Variants in ULK4 observed in about 807,000 individuals in gnomAD.
ULK4 encodes inactive serine/threonine-protein kinase ULK4.
ULK4 carries 133 observed loss-of-function variants against 160.6 expected under a neutral mutation model. The observed-to-expected ratio is 0.83, with a 90% CI of 0.72 to 0.96. The LOEUF (loss-of-function observed/expected upper bound fraction) is 0.96. Among genes scored for constraint, ULK4 ranks in the 40% least tolerant of loss-of-function variants. ULK4 has a pLI of 0.00. For missense variants in ULK4, 1,580 were observed against 1,499.5 expected, an observed-to-expected ratio of 1.05 and a Z score of -0.89; for synonymous variants, 534 against 539.8, an observed-to-expected ratio of 0.99 and a Z score of 0.15.
At chr3:41,757,155 A>C (rs536531616) in intron 21 of ULK4, among the ~76,000 whole-genome samples, 14 of 152,314 alleles carry the variant, frequency 9.2e-5, no homozygotes, top group African/African-American at 2.9e-4. Flanking sequence ...TAAGAAAGTA[A>C]GAGTCCTAGA....
At chr3:41,502,149 A>C (rs546913111) in intron 32 of ULK4, among the ~76,000 whole-genome samples, 5 of 152,258 alleles carry the variant, frequency 3.3e-5, no homozygotes, top group African/African-American at 9.6e-5. Context: ...ATAATGCTGC[A>C]ATAAATATGG....
chr3:41,470,944 T>C (rs1575269081), intron 32 of ULK4, among the ~76,000 whole-genome samples: 1 of 151,766 alleles, frequency 6.6e-6, no homozygotes, highest in East Asian at 1.9e-4. Context: ...AACCAGAAAA[T>C]AATAAAATGA....
intron 32 of ULK4, among the ~76,000 whole-genome samples, chr3:41,506,436 T>C (rs936703006): frequency 1.3e-5 from 2 of 152,134 alleles, no homozygotes; most frequent in African/African-American, 4.8e-5. Flanking sequence ...ATAGCAGAAG[T>C]TGACAATAAT....
intron 12 of ULK4, among the ~76,000 whole-genome samples, chr3:41,902,233 G>T (rs1698397588): frequency 6.6e-6 from 1 of 152,158 alleles, no homozygotes; most frequent in Admixed American, 6.5e-5. Context: ...AGTTAGCTAA[G>T]AAAGTTCCTG....
chr3:41,443,314 T>C (rs1210378707), intron 34 of ULK4, among the ~76,000 whole-genome samples: 2 of 152,232 alleles, frequency 1.3e-5, no homozygotes, highest in East Asian at 3.8e-4. Context: ...TTCACCTTCA[T>C]CTTTGCTGGA....
intron 30 of ULK4, among the ~76,000 whole-genome samples, chr3:41,662,355 T>C (rs930629021): frequency 1.3e-5 from 2 of 152,112 alleles, no homozygotes; most frequent in African/African-American, 4.8e-5. Flanking sequence ...CCTTTGGAAA[T>C]GGATGAGGGA....
At chr3:41,626,054 T>G (rs4973978) in intron 30 of ULK4, among the ~76,000 whole-genome samples, 37,975 of 152,074 alleles carry the variant, frequency 0.25, 4,965 homozygotes, top group Admixed American at 0.29. Context: ...TCCCCTTTAA[T>G]GGTGCCATTT....
chr3:41,430,690 G>A (rs970891689), intron 34 of ULK4, among the ~76,000 whole-genome samples: 2 of 152,112 alleles, frequency 1.3e-5, no homozygotes, highest in African/African-American at 4.8e-5. Context: ...ATGCTGCATG[G>A]GAAAGGCCTC....
intron 27 of ULK4, chr3:41,687,805 G>A (rs1240321956): frequency 6.6e-6 from 1 of 152,236 alleles, no homozygotes; most frequent in Non-Finnish European, 1.5e-5. Context: ...AAACACCCCT[G>A]AAGGCTATAT....
Position 41,506,771 on chromosome 3 carries a change from T to TATATATAAATATATATATAA in ULK4, c.3227-43519_3227-43518insTTATATATATATTTATATAT, listed in dbSNP as rs1559658115. The stretch of plus-strand genomic sequence containing the variant: ...ATACACTGGAGTGTGATTTAAAATA[T>TATATATAAATATATATATAA]ATATATATATATATATATATATATA... On this transcript the variant is annotated intron_variant, in intron 32 of 36. Coordinates refer to ENST00000301831, the MANE Select transcript of ULK4 (RefSeq NM_017886.4). Among the ~76,000 whole-genome samples the TATATATAAATATATATATAA allele has an allele frequency of 1.1e-4, 3 of 26,336 alleles. 1 individual carries two copies. The highest frequency in any genetic ancestry group is 2.1e-4 in the Non-Finnish European group (3 of 14,080). 17.3% of individuals were successfully genotyped at this position (26,336 alleles called of 152,430 possible).
intron 32 of ULK4, among the ~76,000 whole-genome samples, chr3:41,519,050 C>T (rs1050933839): frequency 3.9e-5 from 6 of 152,228 alleles, no homozygotes; most frequent in Admixed American, 1.3e-4. Flanking sequence ...CCTCCCACCC[C>T]TGCTGGAATC....
At chr3:41,824,606 C>T (rs112809173) in intron 18 of ULK4, among the ~76,000 whole-genome samples, 38,219 of 152,012 alleles carry the variant, frequency 0.25, 5,896 homozygotes, top group African/African-American at 0.44. Context: ...AAGGCAGCAG[C>T]GATGCTGGGG....
intron 32 of ULK4, among the ~76,000 whole-genome samples, chr3:41,560,970 T>G (rs1317767669): frequency 6.6e-6 from 1 of 152,246 alleles, no homozygotes; most frequent in African/African-American, 2.4e-5. Context: ...TTCCAGTTTT[T>G]GCCCACTCAG....
chr3:41,910,331 GCT>G (rs1698735390), intron 11 of ULK4, among the ~76,000 whole-genome samples: 1 of 152,180 alleles, frequency 6.6e-6, no homozygotes, highest in Non-Finnish European at 1.5e-5. Flanking sequence ...GGGCACTGTG[GCT>G]CATGTGTGTA....
At chr3:41,447,397 C>T (rs2083324771) in intron 34 of ULK4, among the ~76,000 whole-genome samples, 1 of 152,098 alleles carries the variant, frequency 6.6e-6, no homozygotes, top group African/African-American at 2.4e-5. Context: ...TCATATCCCG[C>T]CACATAAATG....
At chr3:41,392,424 G>C (rs79811705) in intron 35 of ULK4, among the ~76,000 whole-genome samples, 1 of 152,160 alleles carries the variant, frequency 6.6e-6, no homozygotes, top group East Asian at 1.9e-4. Flanking sequence ...CACAAGATTG[G>C]GACTTTAAAC....
At chr3:41,288,725 C>A (rs1049082292) in intron 35 of ULK4, among the ~76,000 whole-genome samples, 1 of 152,106 alleles carries the variant, frequency 6.6e-6, no homozygotes. Flanking sequence ...AAATACATAA[C>A]CCTAAGAATA....
Position 41,819,441 on chromosome 3 carries a change from C to T in ULK4, c.1830G>A (p.Met610Ile). Residue 610 changes from methionine to isoleucine, a missense_variant, in exon 19 of 37, where the codon ATG (methionine) becomes ATA (isoleucine). Met to Ile is a conservative substitution (Grantham distance 10, BLOSUM62 1). Transcript: ENST00000301831. ...AVPLAAYTVL[M>I]RCLREGEERV... ...GCCTTACCCCTTCCCGAAGGCACCT[C>T]ATTAGCACTGTGTATGCAGCCAAGG... 6.2e-7 allele frequency: 1 copy of T among 1,613,796 alleles called. No homozygotes were observed. Among genetic ancestry groups the T allele is most frequent in the Admixed American group, 1.7e-5 (1 of 59,956 alleles).
chr3:41,799,204 A>C (rs767297380), intron 20 of ULK4, among the ~76,000 whole-genome samples: 1 of 152,172 alleles, frequency 6.6e-6, no homozygotes, highest in African/African-American at 2.4e-5. Context: ...ATAGCGTTTG[A>C]GAGCCCAGAT....
Sources: allele counts gnomAD v4.1 joint callset (sites outside exome capture counted in the v4.1 genomes callset), GRCh38; gene constraint gnomAD v4.1.1; transcripts MANE v1.5; gene names NCBI Gene and HGNC (gene_info 2026-07-23, HGNC 2026-07-21).